The following EVI5L variants were observed in gnomAD, a reference collection of about 807,000 sequenced individuals.
The protein encoded by EVI5L is ecotropic viral integration site 5 like, also known as EVI5-like protein.
Under a neutral mutation model 106.1 loss-of-function variants are expected in EVI5L, and 30 were observed. The ratio of observed to expected loss-of-function variants is 0.28; its 90% CI spans 0.21 to 0.38. The LOEUF (loss-of-function observed/expected upper bound fraction) is 0.38. Ranked by LOEUF, EVI5L falls within the 10% of genes least tolerant of loss-of-function variation. The pLI is 1.00. For synonymous variants in EVI5L, 489 were observed against 483.3 expected (o/e 1.01, Z -0.15); for missense variants, 809 against 1,098.0 (o/e 0.74, Z 3.72).
chr19:7,863,079 G>A lies in EVI5L; in HGVS notation c.2043+12G>A. On this transcript the variant is annotated intron_variant, in intron 18 of 19. Coordinates refer to ENST00000538904, the MANE Select transcript of EVI5L (RefSeq NM_001159944.3). This position sits in a 1 kb window ranked among gnomAD's most constrained non-coding sequence, Gnocchi z 7.7. ...AGCTGGAGATCCAGGTGATCGGCGGGGCCGGGGTCGGGGGGCGGGGGCGGG... is the reference window on the plus strand; with the variant it reads ...AGCTGGAGATCCAGGTGATCGGCGGAGCCGGGGTCGGGGGGCGGGGGCGGG... 2 of 1,437,480 alleles carry A rather than the reference G, an allele frequency of 1.4e-6. No homozygotes were observed. The highest frequency in any genetic ancestry group is 1.9e-6 in the Non-Finnish European group (2 of 1,059,878). The allele number at this position is 1,437,480 out of a possible 1,614,324, so 89.0% of individuals were successfully genotyped here.
At position 7,858,499 on chromosome 19, in the gene EVI5L, A is replaced by C. The variant is rs1979647580; in HGVS notation, c.1374+168A>C. 5 of 828,526 alleles carry C rather than the reference A, an allele frequency of 6.0e-6. No homozygotes were observed. The South Asian group carries it at 9.1e-5, about 15-fold the overall frequency. The allele number at this position is 828,526 out of a possible 1,614,324, so 51.3% of individuals were successfully genotyped here. A position where few individuals can be genotyped will look rare whatever the true frequency, so the allele number is the denominator to read the frequency against. ...AGACAAGCGCAGATTCTCCCCCAGC[A>C]GCTCCACATTCTGAGACATCCTGAT... is the stretch of plus-strand genomic sequence containing the variant. On this transcript the variant is annotated intron_variant, in intron 13 of 19. Coordinates refer to ENST00000538904, the MANE Select transcript of EVI5L (RefSeq NM_001159944.3). The surrounding 1 kb of genome is among the most constrained non-coding windows in gnomAD (Gnocchi z 5.7).
intron 10 of EVI5L, among the ~76,000 whole-genome samples, chr19:7,854,524 C>CT (rs910064699): frequency 2.2e-4 from 34 of 152,230 alleles, no homozygotes; most frequent in African/African-American, 8.2e-4. Flanking sequence ...AATCCCAACA[C>CT]TTTGAGAGGC....
At chr19:7,839,169 G>T (rs1190557225) in intron 1 of EVI5L, among the ~76,000 whole-genome samples, 1 of 151,864 alleles carries the variant, frequency 6.6e-6, no homozygotes, top group Non-Finnish European at 1.5e-5. Flanking sequence ...CAGGCGTGGC[G>T]GTGGGTGCCT....
chr19:7,851,400 C>T (rs764160451), intron 6 of EVI5L, 34 bp from the exon 7 acceptor site: 3 of 1,596,746 alleles, frequency 1.9e-6, no homozygotes, highest in East Asian at 4.5e-5. Context: ...GGGCGTCCCC[C>T]TCACTGTGCC....
Position 7,862,286 on chromosome 19 carries a change from G to A in EVI5L, c.1800+9G>A, listed in dbSNP as rs372773103. ...TGGAACTTGAGACGCAGGTGGACTCGGGGGGCCTGCTCGTTGGGGAAGGGG... is the reference window on the plus strand; with the variant it reads ...TGGAACTTGAGACGCAGGTGGACTCAGGGGGCCTGCTCGTTGGGGAAGGGG... On this transcript the variant is annotated intron_variant, in intron 16 of 19. Coordinates refer to ENST00000538904, the MANE Select transcript of EVI5L (RefSeq NM_001159944.3). 5.7e-6 allele frequency: 9 copies of A among 1,582,022 alleles called. No individual in the cohort carries two copies. The highest frequency in any genetic ancestry group is 6.9e-6 in the Non-Finnish European group (8 of 1,164,198).
chr19:7,844,258 G>A (rs2146420662), intron 1 of EVI5L, among the ~76,000 whole-genome samples: 1 of 151,674 alleles, frequency 6.6e-6, no homozygotes, highest in Admixed American at 6.6e-5. Flanking sequence ...CGTGAACCCG[G>A]GAGGTAGAGG....
At chr19:7,841,755 C>T (rs2146416236) in intron 1 of EVI5L, among the ~76,000 whole-genome samples, 1 of 152,338 alleles carries the variant, frequency 6.6e-6, no homozygotes, top group East Asian at 1.9e-4. Flanking sequence ...GGCCTGTGCC[C>T]ATCCAGCATA....
In EVI5L at chr19:7,856,392, G is replaced by A. The variant is rs1654419485; in HGVS notation, c.1200+324G>A. Among the ~76,000 whole-genome samples, 1 of 152,048 alleles carries A rather than the reference G, an allele frequency of 6.6e-6. No homozygotes were observed. On this transcript the variant is annotated intron_variant, in intron 11 of 19. Coordinates refer to ENST00000538904, the MANE Select transcript of EVI5L (RefSeq NM_001159944.3). The surrounding 1 kb of genome is among the most constrained non-coding windows in gnomAD (Gnocchi z 6.6). Reference sequence around the variant, plus strand: ...GAGGAGGGAGAACTGCCACTTTGATGGACGAGCCCCGTAATTGGGCCACAA... The same window carrying A: ...GAGGAGGGAGAACTGCCACTTTGATAGACGAGCCCCGTAATTGGGCCACAA...
At chr19:7,852,487 A>AC (rs1224237231) in intron 8 of EVI5L, among the ~76,000 whole-genome samples, 1 of 141,558 alleles carries the variant, frequency 7.1e-6, no homozygotes, top group Non-Finnish European at 1.5e-5. Flanking sequence ...CCTCTGTCAG[A>AC]CCCCCCGACC....
intron 10 of EVI5L, 35 bp downstream of exon 10, chr19:7,853,368 G>T (rs1395195082): frequency 6.3e-7 from 1 of 1,592,600 alleles, no homozygotes. Context: ...GGACAGGGAT[G>T]GGAGGCCTTT....
intron 1 of EVI5L, among the ~76,000 whole-genome samples, chr19:7,842,313 AATGT>A (rs1365763845): frequency 5.2e-5 from 4 of 77,330 alleles, no homozygotes; most frequent in Admixed American, 3.1e-4. Context: ...CGTGTGTGAG[AATGT>A]ATGAATGTAT....
Position 7,858,468 on chromosome 19 carries a change from AC to A in EVI5L, c.1374+140del. 1 of 1,138,892 alleles carries A rather than the reference AC, an allele frequency of 8.8e-7. No homozygotes were observed. The highest frequency in any genetic ancestry group is 1.2e-6 in the Non-Finnish European group (1 of 831,268). The allele number at this position is 1,138,892 out of a possible 1,614,324, so 70.5% of individuals were successfully genotyped here. On this transcript the variant is annotated intron_variant, in intron 13 of 19. Transcript: ENST00000538904. This position sits in a 1 kb window ranked among gnomAD's most constrained non-coding sequence, Gnocchi z 5.7. ...CCTGTTCCTTTCTGGGGTAAGGGGA[AC>A]CCAGAGACAAGCGCAGATTCTCCCC...
chr19:7,837,313 A>G (rs1398759993), intron 1 of EVI5L, among the ~76,000 whole-genome samples: 1 of 152,148 alleles, frequency 6.6e-6, no homozygotes, highest in Non-Finnish European at 1.5e-5. Flanking sequence ...CCTGGGCAAC[A>G]GGAGTGAAAC....
Position 7,847,903 on chromosome 19 carries a change from G to A in EVI5L, c.309G>A (p.Arg103=). 6.4e-7 allele frequency: 1 copy of A among 1,557,848 alleles called. No individual in the cohort carries two copies. The highest frequency in any genetic ancestry group is 8.7e-7 in the Non-Finnish European group (1 of 1,150,318). The change falls in exon 3 of 20, where the codon AGG becomes AGA. Residue 103 remains arginine (R), a synonymous_variant. Coordinates refer to ENST00000538904, the MANE Select transcript of EVI5L (RefSeq NM_001159944.3). ...IANEWEEWRR[R]KEKLLKELIR... is the part of the protein sequence containing the mutation. ...ACGAGTGGGAGGAGTGGCGGCGCAG[G>A]AAGGAGAAGCTGCTCAAGGTGGGGG...
chr19:7,857,193 C>A lies in EVI5L; in HGVS notation c.1233+69C>A. 6.5e-7 allele frequency: 1 copy of A among 1,529,470 alleles called. No individual in the cohort carries two copies. The highest frequency in any genetic ancestry group is 1.2e-5 in the South Asian group (1 of 83,636). The allele number at this position is 1,529,470 out of a possible 1,614,324, so 94.7% of individuals were successfully genotyped here. A position where few individuals can be genotyped will look rare whatever the true frequency, so the allele number is the denominator to read the frequency against. On this transcript the variant is annotated intron_variant, in intron 12 of 19. Coordinates refer to ENST00000538904, the MANE Select transcript of EVI5L (RefSeq NM_001159944.3). This position sits in a 1 kb window ranked among gnomAD's most constrained non-coding sequence, Gnocchi z 4.5. ...CTTCCCTGCACCCTGCACATGACAG[C>A]CAGTAACCGCCTCTTCCCTGCCATT...
intron 1 of EVI5L, among the ~76,000 whole-genome samples, chr19:7,844,154 C>T (rs1978840587): frequency 6.6e-6 from 1 of 151,540 alleles, no homozygotes; most frequent in Non-Finnish European, 1.5e-5. Flanking sequence ...AGTTCGAGAC[C>T]AGCCTGACCA....
chr19:7,833,133 G>C (rs7258957), intron 1 of EVI5L, among the ~76,000 whole-genome samples: 124 of 152,330 alleles, frequency 8.1e-4, no homozygotes, highest in African/African-American at 2.9e-3. Flanking sequence ...GACTGGGCTC[G>C]TGGAGCTGCA....
rs1252921389 is a variant in EVI5L at position 7,863,923 on chromosome 19, T to G, written c.*221T>G. Reference sequence around the variant, plus strand: ...CTCTATCCCCAGCAGTGTTTACCCATCTTGGTCTGTACCCCTCCGGGCCCT... The same window carrying G: ...CTCTATCCCCAGCAGTGTTTACCCAGCTTGGTCTGTACCCCTCCGGGCCCT... On this transcript the variant is annotated 3_prime_UTR_variant, in exon 20 of 20. Coordinates refer to ENST00000538904, the MANE Select transcript of EVI5L (RefSeq NM_001159944.3). The surrounding 1 kb of genome is among the most constrained non-coding windows in gnomAD (Gnocchi z 7.7). 1 of 596,840 alleles carries G rather than the reference T, an allele frequency of 1.7e-6. No homozygotes were observed. The highest frequency in any genetic ancestry group is 3.3e-5 in the East Asian group (1 of 30,310). 37.0% of individuals were successfully genotyped at this position (596,840 alleles called of 1,614,324 possible). A position where few individuals can be genotyped will look rare whatever the true frequency, so the allele number is the denominator to read the frequency against.
Position 7,864,313 on chromosome 19 carries a change from C to T in EVI5L, c.*611C>T, listed in dbSNP as rs1980017290. 6.6e-6 allele frequency: 1 copy of T among 152,540 alleles called. No homozygotes were observed. Among genetic ancestry groups the T allele is most frequent in the Non-Finnish European group, 1.5e-5 (1 of 68,072 alleles). The allele number at this position is 152,540 out of a possible 1,614,324, so 9.4% of individuals were successfully genotyped here. On this transcript the variant is annotated 3_prime_UTR_variant, in exon 20 of 20. Coordinates refer to ENST00000538904, the MANE Select transcript of EVI5L (RefSeq NM_001159944.3). The surrounding 1 kb of genome is among the most constrained non-coding windows in gnomAD (Gnocchi z 4.5). ...CCCTGCAGCGGAAACCAAAGTCCCCCTACTATGTGCGGGGCGCCTGGGGAC... is the reference window on the plus strand; with the variant it reads ...CCCTGCAGCGGAAACCAAAGTCCCCTTACTATGTGCGGGGCGCCTGGGGAC...
Sources: allele counts gnomAD v4.1 joint callset (sites outside exome capture counted in the v4.1 genomes callset), GRCh38; gene constraint gnomAD v4.1.1; non-coding constraint Gnocchi (gnomAD v3.1); transcripts MANE v1.5; gene names NCBI Gene and HGNC (gene_info 2026-07-23, HGNC 2026-07-21).